ABCB5: variants seen among roughly 807,000 people sequenced by gnomAD.
ABCB5 encodes the protein ATP-binding cassette sub-family B member 5.
A neutral mutation model predicts 144.2 loss-of-function variants in ABCB5; 155 were observed. The observed-to-expected ratio is 1.08, with a 90% confidence interval of 0.94 to 1.23. The LOEUF is 1.23. Among genes scored for constraint, ABCB5 ranks in the 50% most tolerant of loss-of-function variants. The probability of loss-of-function intolerance (pLI) is 0.00; values close to 1 mark genes in which losing one functional copy is unlikely to be tolerated. For synonymous variants in ABCB5, 610 were observed against 528.6 expected (o/e 1.15, Z -2.11); for missense variants, 1,830 against 1,520.8 (o/e 1.20, Z -3.38).
rs1397459714 is a variant in ABCB5 at position 20,662,592 on chromosome 7, C to G, written c.1707+3916C>G. Among the ~76,000 whole-genome samples, 6 of 152,190 alleles carry G rather than the reference C, an allele frequency of 3.9e-5. No homozygotes were observed. The East Asian group carries it at 1.2e-3, about 29-fold the overall frequency. ...ATAGCAACACTGTAATAGTTGGGAA[C>G]AGAAAGGGAATTTCTCCAAGGGAAT... On this transcript the variant is annotated intron_variant, in intron 14 of 27. Coordinates refer to ENST00000404938, the MANE Select transcript of ABCB5 (RefSeq NM_001163941.2).
chr7:20,638,929 C>T (rs190833097), intron 5 of ABCB5, among the ~76,000 whole-genome samples: 43 of 151,456 alleles, frequency 2.8e-4, no homozygotes, highest in African/African-American at 9.0e-4. Context: ...CTTTAAAACA[C>T]TGCCAAACTG....
chr7:20,619,915 A>T (rs2390346), intron 1 of ABCB5, among the ~76,000 whole-genome samples: 3 of 152,006 alleles, frequency 2.0e-5, no homozygotes, highest in Non-Finnish European at 4.4e-5. Flanking sequence ...GTATCCCAGC[A>T]CCATTTTTTG....
Position 20,745,418 on chromosome 7 carries a change from T to G in ABCB5, c.3409T>G (p.Phe1137Val). 13 of 1,614,192 alleles carry G rather than the reference T, an allele frequency of 8.1e-6. No individual in the cohort carries two copies. The highest frequency in any genetic ancestry group is 2.2e-5 in the East Asian group (1 of 44,884). Reference sequence around the variant, plus strand: ...CGCAAATGCAGCAAATATCCATTCTTTTATTGAAGGTCTCCCTGAGGTAAG... The same window carrying G: ...CGCAAATGCAGCAAATATCCATTCTGTTATTGAAGGTCTCCCTGAGGTAAG... Reference protein sequence around the residue: ...EAANAANIHSFIEGLPEKYNT... With the variant: ...EAANAANIHSVIEGLPEKYNT... Residue 1137 changes from phenylalanine to valine, a missense_variant, in exon 26 of 28, where the codon TTT (phenylalanine) becomes GTT (valine). Phe to Val is a conservative substitution (Grantham distance 50). Coordinates refer to ENST00000404938, the MANE Select transcript of ABCB5 (RefSeq NM_001163941.2).
intron 16 of ABCB5, among the ~76,000 whole-genome samples, chr7:20,691,781 T>G (rs1374526284): frequency 6.6e-6 from 1 of 152,074 alleles, no homozygotes; most frequent in Non-Finnish European, 1.5e-5. Flanking sequence ...AGGATTAAAC[T>G]GTTTCCAAGT....
intron 13 of ABCB5, among the ~76,000 whole-genome samples, chr7:20,654,472 A>G (rs1784703822): frequency 1.3e-5 from 2 of 152,222 alleles, no homozygotes; most frequent in African/African-American, 2.4e-5. Context: ...GTAAGAATAT[A>G]GATGAACAAT....
chr7:20,721,815 G>A lies in ABCB5; in HGVS notation c.2422-1201G>A, dbSNP rs1781877682. On this transcript the variant is annotated intron_variant, in intron 20 of 27. Transcript: ENST00000404938. ...TTCACTTTAGAACATTTTTGAAGGT[G>A]ATTTAGATTCTATTGTAGTAAATAC... Among the ~76,000 whole-genome samples, 4 of 152,268 alleles carry A rather than the reference G, an allele frequency of 2.6e-5. No homozygotes were observed. In the South Asian group the frequency reaches 8.3e-4, roughly 32 times the overall value.
intron 16 of ABCB5, among the ~76,000 whole-genome samples, chr7:20,690,859 TGTG>T (rs1396210996): frequency 6.6e-6 from 1 of 151,908 alleles, no homozygotes; most frequent in Non-Finnish European, 1.5e-5. Context: ...AAAAAAGAAA[TGTG>T]GTACAGAAGA....
At chr7:20,708,045 TCCGC>T (rs1299048679) in intron 20 of ABCB5, among the ~76,000 whole-genome samples, 1 of 152,052 alleles carries the variant, frequency 6.6e-6, no homozygotes, top group Non-Finnish European at 1.5e-5. Context: ...GACCTCGTGA[TCCGC>T]CCGCCTCGGC....
Position 20,660,249 on chromosome 7 carries a change from C to T in ABCB5, c.1707+1573C>T. The T allele has an allele frequency of 5.1e-6, 5 of 985,098 alleles. No homozygotes were observed. The South Asian group carries it at 2.3e-4, about 46-fold the overall frequency. 61.0% of individuals were successfully genotyped at this position (985,098 alleles called of 1,614,324 possible). A position where few individuals can be genotyped will look rare whatever the true frequency, so the allele number is the denominator to read the frequency against. On this transcript the variant is annotated intron_variant, in intron 14 of 27. Transcript: ENST00000404938. ...ATTCCAAAATTACACAAAATAGCAA[C>T]TGTGAAAAAAATGAAGGCAATATAT... is the stretch of plus-strand genomic sequence containing the variant.
intron 5 of ABCB5, among the ~76,000 whole-genome samples, chr7:20,641,258 C>T (rs1784288723): frequency 6.6e-6 from 1 of 152,094 alleles, no homozygotes; most frequent in African/African-American, 2.4e-5. Flanking sequence ...AGAAGTTATT[C>T]TTGATTTCTC....
intron 27 of ABCB5, among the ~76,000 whole-genome samples, chr7:20,754,404 G>A (rs1056334076): frequency 8.5e-5 from 13 of 152,200 alleles, no homozygotes; most frequent in African/African-American, 3.1e-4. Context: ...TACTTCATCA[G>A]TTACTAGCAG....
chr7:20,647,907 A>G (rs1784458245), intron 10 of ABCB5, 61 bp from the exon 11 acceptor site: 1 of 1,191,480 alleles, frequency 8.4e-7, no homozygotes, highest in Non-Finnish European at 1.2e-6. Context: ...CTATTTTTAA[A>G]ATGTAGAGAC....
chr7:20,696,128 G>A (rs1246164793), intron 16 of ABCB5, among the ~76,000 whole-genome samples: 1 of 152,074 alleles, frequency 6.6e-6, no homozygotes, highest in Non-Finnish European at 1.5e-5. Context: ...GTTCATAGCA[G>A]TTTTATGTGT....
intron 23 of ABCB5, among the ~76,000 whole-genome samples, chr7:20,729,176 C>G (rs1228302264): frequency 6.6e-6 from 1 of 152,076 alleles, no homozygotes; most frequent in Non-Finnish European, 1.5e-5. Context: ...ATAAGTACAG[C>G]ATAACTGGTA....
Position 20,651,617 on chromosome 7 carries a change from T to C in ABCB5, c.1530T>C (p.Phe510=). The part of the protein sequence containing the change: ...EANAYDFIME[F]PNKFNTLVGE... ...ATGCGTATGATTTTATCATGGAGTTTCCTAATGTGAGTACACTGTGCAGCC... is the reference window on the plus strand; with the variant it reads ...ATGCGTATGATTTTATCATGGAGTTCCCTAATGTGAGTACACTGTGCAGCC... The change falls in exon 13 of 28, where the codon TTT becomes TTC. Residue 510 remains phenylalanine (F), a synonymous_variant. Transcript: ENST00000404938. 5 of 1,614,038 alleles carry C rather than the reference T, an allele frequency of 3.1e-6. No individual in the cohort carries two copies. The highest frequency in any genetic ancestry group is 3.4e-6 in the Non-Finnish European group (4 of 1,179,950).
chr7:20,734,347 T>C (rs950995154), intron 23 of ABCB5, among the ~76,000 whole-genome samples: 13 of 151,474 alleles, frequency 8.6e-5, no homozygotes, highest in African/African-American at 2.9e-4. Flanking sequence ...TGAGCCATTC[T>C]CTAAACCAAT....
chr7:20,724,307 C>A (rs572237848), intron 21 of ABCB5, among the ~76,000 whole-genome samples: 27 of 151,964 alleles, frequency 1.8e-4, no homozygotes, highest in Non-Finnish European at 3.8e-4. Context: ...GCAGCTGAAT[C>A]GCTGTAAACA....
chr7:20,706,550 T>C (rs1786830561), intron 20 of ABCB5, among the ~76,000 whole-genome samples: 1 of 152,216 alleles, frequency 6.6e-6, no homozygotes, highest in Non-Finnish European at 1.5e-5. Flanking sequence ...CTGACTAATA[T>C]CATTTCATCA....
At chr7:20,741,875 C>T (rs1782571648) in intron 24 of ABCB5, among the ~76,000 whole-genome samples, 1 of 152,062 alleles carries the variant, frequency 6.6e-6, no homozygotes, top group South Asian at 2.1e-4. Context: ...TTGAGAAGAA[C>T]ACAAAGATCA....
Sources: gnomAD v4.1 joint callset for allele counts (sites outside exome capture counted in the v4.1 genomes callset) on GRCh38, gnomAD v4.1.1 for gene constraint, MANE v1.5 for transcripts, NCBI Gene and HGNC (gene_info 2026-07-23, HGNC 2026-07-21) for gene names.